GYG1: variants seen among roughly 807,000 people sequenced by gnomAD.
GYG1 encodes the protein glycogenin-1.
In GYG1, 44 loss-of-function variants were observed where a neutral mutation model predicts 41.9. That is an observed-to-expected ratio of 1.05 (90% CI 0.83 to 1.35). The LOEUF is 1.35. Ranked by LOEUF, GYG1 falls within the 40% of genes most tolerant of loss-of-function variation. The pLI is 0.00. For synonymous variants in GYG1, 141 were observed against 158.1 expected, an observed-to-expected ratio of 0.89 and a Z score of 0.81; for missense variants, 429 against 418.9, an observed-to-expected ratio of 1.02 and a Z score of -0.21.
At position 149,026,502 on chromosome 3, in the gene GYG1, G is replaced by C; in HGVS notation, c.879G>C (p.Lys293Asn). The C allele has an allele frequency of 6.3e-7, 1 of 1,589,008 alleles. No homozygotes were observed. Among genetic ancestry groups the C allele is most frequent in the Non-Finnish European group, 8.6e-7 (1 of 1,157,240 alleles). ...TLAFSCGFCR[K>N]EDVSGAISHL... is the part of the protein sequence containing the mutation. ...CTTTCTCTTGTGGCTTCTGTAGAAA[G>C]GTATGCAGAACTTAAAGATTAACCC... The change falls in exon 7 of 8, where the codon AAG (lysine) becomes AAC (asparagine). Residue 293 changes from lysine (K) to asparagine (N), a missense_variant and splice_region_variant. By Grantham distance (94) the Lys-to-Asn change is moderately conservative. Transcript: ENST00000345003.
At chr3:149,006,080 CTTTTTTTTTT>C (rs34268321) in intron 4 of GYG1, among the ~76,000 whole-genome samples, 6 of 117,206 alleles carry the variant, frequency 5.1e-5, no homozygotes, top group South Asian at 5.4e-4. Context: ...TCATCATATT[CTTTTTTTTTT>C]TTTTTTTTTT....
chr3:149,027,533 A>G lies in GYG1; in HGVS notation c.*600A>G, dbSNP rs1242825469. On this transcript the variant is annotated 3_prime_UTR_variant, in exon 8 of 8. Transcript: ENST00000345003. The stretch of plus-strand genomic sequence containing the variant: ...GTGTACAGTAAGGCAGCATGCTAAA[A>G]TGCTTTTGTTCAGTTCTGTATATTT... 1 of 154,592 alleles carries G rather than the reference A, an allele frequency of 6.5e-6. No homozygotes were observed. The highest frequency in any genetic ancestry group is 1.4e-5 in the Non-Finnish European group (1 of 69,270). The allele number at this position is 154,592 out of a possible 1,614,324, so 9.6% of individuals were successfully genotyped here.
At chr3:148,995,765 G>GT (rs1712749796) in intron 2 of GYG1, among the ~76,000 whole-genome samples, 4 of 152,152 alleles carry the variant, frequency 2.6e-5, no homozygotes, top group East Asian at 3.9e-4. Context: ...GCTCAGTTTA[G>GT]TGTCTTACCC....
chr3:148,991,914 C>T (rs963120198), intron 1 of GYG1, among the ~76,000 whole-genome samples: 2 of 152,204 alleles, frequency 1.3e-5, no homozygotes, highest in African/African-American at 4.8e-5. Flanking sequence ...CGTCCTTCCT[C>T]TTGCTCTCAC....
At chr3:149,008,770 T>C (rs967816919) in intron 4 of GYG1, 3 of 178,300 alleles carry the variant, frequency 1.7e-5, no homozygotes, top group Admixed American at 1.1e-4. Flanking sequence ...TGGTACATAG[T>C]AGCTGCTCAA....
rs564031320 is a variant in GYG1, at chr3:148,995,386, A to G, written c.144-916A>G. On this transcript the variant is annotated intron_variant, in intron 2 of 7. Coordinates refer to ENST00000345003, the MANE Select transcript of GYG1 (RefSeq NM_004130.4). The stretch of plus-strand genomic sequence containing the variant: ...GTGACTTTTTATTTTTTTCCCAAAA[A>G]GTATAAGCACAGGCCAAGGGTCTCT... Among the ~76,000 whole-genome samples the G allele has an allele frequency of 1.7e-4, 26 of 152,332 alleles. 1 individual carries two copies. In the South Asian group the frequency reaches 5.4e-3, roughly 32 times the overall value.
chr3:149,005,733 A>C (rs1486688758), intron 4 of GYG1, among the ~76,000 whole-genome samples: 1 of 152,244 alleles, frequency 6.6e-6, no homozygotes, highest in Non-Finnish European at 1.5e-5. Flanking sequence ...TGTATTTTGC[A>C]CATTAATTGT....
At position 149,026,757 on chromosome 3, in the gene GYG1, T is replaced by C. The variant is rs1714671853; in HGVS notation, c.880-3T>C. The C allele has an allele frequency of 6.3e-7, 1 of 1,590,754 alleles. No homozygotes were observed. The highest frequency in any genetic ancestry group is 1.3e-5 in the African/African-American group (1 of 74,538). On this transcript the variant is annotated splice_region_variant and splice_polypyrimidine_tract_variant and intron_variant, in intron 7 of 7. Coordinates refer to ENST00000345003, the MANE Select transcript of GYG1 (RefSeq NM_004130.4). ...ATAGAGTCAATTATGCTTTCCTTTCTAGGAAGATGTCTCAGGAGCCATATC... is the reference window on the plus strand; with the variant it reads ...ATAGAGTCAATTATGCTTTCCTTTCCAGGAAGATGTCTCAGGAGCCATATC...
chr3:149,018,115 G>T (rs191454086), intron 5 of GYG1, among the ~76,000 whole-genome samples: 6 of 152,090 alleles, frequency 3.9e-5, no homozygotes, highest in Admixed American at 3.9e-4. Flanking sequence ...GGTAATTCTC[G>T]ATTTTCATAA....
At chr3:149,008,596 G>A (rs566178509) in intron 4 of GYG1, among the ~76,000 whole-genome samples, 5 of 152,272 alleles carry the variant, frequency 3.3e-5, no homozygotes, top group African/African-American at 9.6e-5. Context: ...CCACTTCCAC[G>A]TGTGCCTGTA....
chr3:148,994,312 G>C, intron 2 of GYG1, 35 bp downstream of exon 2: 1 of 1,609,610 alleles, frequency 6.2e-7, no homozygotes, highest in Middle Eastern at 1.7e-4. Context: ...CATCCAAGGG[G>C]CTCTGACATC....
intron 5 of GYG1, among the ~76,000 whole-genome samples, chr3:149,009,829 A>T (rs1340597243): frequency 6.6e-6 from 1 of 152,204 alleles, no homozygotes; most frequent in Non-Finnish European, 1.5e-5. Flanking sequence ...TGTTGTGGGG[A>T]TTAAGCCAGA....
chr3:148,991,752 A>G, intron 1 of GYG1, 105 bp downstream of exon 1: 1 of 956,584 alleles, frequency 1.0e-6, no homozygotes, highest in Non-Finnish European at 1.5e-6. Flanking sequence ...TCCCGGCAGG[A>G]CGAAACCGCC....
chr3:148,995,245 A>G (rs1712719642), intron 2 of GYG1, among the ~76,000 whole-genome samples: 1 of 152,194 alleles, frequency 6.6e-6, no homozygotes, highest in African/African-American at 2.4e-5. Context: ...AAGTATCTGA[A>G]TGAGCTACCT....
intron 5 of GYG1, among the ~76,000 whole-genome samples, chr3:149,022,123 C>G (rs1314905206): frequency 3.3e-5 from 5 of 152,170 alleles, no homozygotes; most frequent in Admixed American, 3.3e-4. Flanking sequence ...TGGATAGTGC[C>G]CTTCCTGCTG....
chr3:148,995,742 C>T (rs147541638), intron 2 of GYG1, among the ~76,000 whole-genome samples: 79 of 152,270 alleles, frequency 5.2e-4, no homozygotes, highest in East Asian at 2.5e-3. Context: ...CAGTATGATA[C>T]GTTTTTACCC....
chr3:149,005,452 C>A (rs879662207), intron 4 of GYG1, among the ~76,000 whole-genome samples: 2 of 152,258 alleles, frequency 1.3e-5, no homozygotes, highest in East Asian at 3.9e-4. Flanking sequence ...GTATATATTA[C>A]ACAGTGTACT....
At chr3:148,992,591 TG>T (rs1389012156) in intron 1 of GYG1, 3 of 152,284 alleles carry the variant, frequency 2.0e-5, no homozygotes, top group Admixed American at 6.5e-5. Context: ...CATGATCGCC[TG>T]GAACCTGGAC....
intron 4 of GYG1, among the ~76,000 whole-genome samples, chr3:149,001,879 A>G (rs1213003093): frequency 6.6e-6 from 1 of 152,184 alleles, no homozygotes; most frequent in African/African-American, 2.4e-5. Context: ...GAAGATCCCT[A>G]TTACCTTGGC....
Sources: gnomAD v4.1 joint callset for allele counts (sites outside exome capture counted in the v4.1 genomes callset) on GRCh38, gnomAD v4.1.1 for gene constraint, MANE v1.5 for transcripts, NCBI Gene and HGNC (gene_info 2026-07-23, HGNC 2026-07-21) for gene names.